The following GRTP1 variants were observed in gnomAD, a reference collection of about 807,000 sequenced individuals.
GRTP1 encodes growth hormone-regulated TBC protein 1.
Under a neutral mutation model 38.1 loss-of-function variants are expected in GRTP1, and 56 were observed. The ratio of observed to expected loss-of-function variants is 1.47; its 90% CI spans 1.19 to 1.84. The LOEUF is 1.84. Ranked by LOEUF, GRTP1 falls within the 40% of genes most tolerant of loss-of-function variation. GRTP1 has a pLI of 0.00. For missense variants in GRTP1, 506 were observed against 453.9 expected (o/e 1.11, Z -1.04); for synonymous variants, 217 against 189.5 (o/e 1.14, Z -1.19).
rs1201611815 is a variant in GRTP1 at position 113,346,145 on chromosome 13, C to T, written c.466-1186G>A. Among the ~76,000 whole-genome samples, 79 of 139,826 alleles carry T rather than the reference C, an allele frequency of 5.6e-4. 3 individuals are homozygous for T. Among genetic ancestry groups the T allele is most frequent in the African/African-American group, 9.5e-4 (34 of 35,874 alleles). The allele number at this position is 139,826 out of a possible 152,430, so 91.7% of individuals were successfully genotyped here. ...GGACCTCTGTGGACAAGAGCAGACC[C>T]GGGAGGACCTCTGTGCCTGACAGTG... On this transcript the variant is annotated intron_variant, in intron 4 of 7. Coordinates refer to ENST00000375431, the MANE Select transcript of GRTP1 (RefSeq NM_024719.4).
intron 5 of GRTP1, among the ~76,000 whole-genome samples, chr13:113,326,373 GC>G (rs2042770345): frequency 3.9e-5 from 3 of 76,252 alleles, no homozygotes; most frequent in East Asian, 7.4e-4. Context: ...GGAGGGTGGC[GC>G]GGTGGGGGGG....
chr13:113,337,198 G>A (rs2042966294), intron 5 of GRTP1, among the ~76,000 whole-genome samples: 1 of 152,200 alleles, frequency 6.6e-6, no homozygotes, highest in Non-Finnish European at 1.5e-5. Flanking sequence ...GGAGGCTGAG[G>A]TGGGAGGATC....
chr13:113,334,694 G>A (rs548682383), intron 5 of GRTP1, among the ~76,000 whole-genome samples: 4 of 152,256 alleles, frequency 2.6e-5, no homozygotes, highest in Admixed American at 1.3e-4. Flanking sequence ...CTCTGGCCTC[G>A]GGTTCACCAG....
rs2043145598 is a variant in GRTP1, at chr13:113,346,703, C to T, written c.466-1744G>A. 1.9e-3 allele frequency among the ~76,000 whole-genome samples: 2 copies of T among 1,064 alleles called. 1 individual carries two copies. Among genetic ancestry groups the T allele is most frequent in the African/African-American group, 0.016 (2 of 126 alleles). The allele number at this position is 1,064 out of a possible 152,430, so 0.7% of individuals were successfully genotyped here. ...CTGGGAGGACCTCTGTGGCAGAGAG[C>T]AGACCCGGGAGGACCTCTGTGGCTG... is the stretch of plus-strand genomic sequence containing the variant. On this transcript the variant is annotated intron_variant, in intron 4 of 7. Transcript: ENST00000375431.
intron 3 of GRTP1, among the ~76,000 whole-genome samples, chr13:113,352,382 A>ATATATTTTATATATATATATATTTATT (rs2043303936): frequency 1.5e-5 from 2 of 135,094 alleles, no homozygotes; most frequent in Non-Finnish European, 3.1e-5. Context: ...ATATATTTAT[A>ATATATTTTATATATATATATATTTATT]TATATATTTA....
At position 113,348,836 on chromosome 13, in the gene GRTP1, C is replaced by T. The variant is rs1595501474; in HGVS notation, c.465+2013G>A. Among the ~76,000 whole-genome samples the T allele has an allele frequency of 1.3e-5, 2 of 152,278 alleles. No homozygotes were observed. Among genetic ancestry groups the T allele is most frequent in the South Asian group, 4.1e-4 (2 of 4,828 alleles). On this transcript the variant is annotated intron_variant, in intron 4 of 7. Transcript: ENST00000375431. The surrounding 1 kb of genome is among the most constrained non-coding windows in gnomAD (Gnocchi z 4.8). ...AGACGCCGCGACCTCACCTGCCCCG[C>T]AGATGCCGCGACCTCTGATGCACAG...
In GRTP1 at chr13:113,345,989, AGAGTGGACCCGAGAGGACCTCTGCGGCT is replaced by A. The variant is rs1317553413; in HGVS notation, c.466-1058_466-1031del. Among the ~76,000 whole-genome samples, 7 of 151,532 alleles carry A rather than the reference AGAGTGGACCCGAGAGGACCTCTGCGGCT, an allele frequency of 4.6e-5. No individual in the cohort carries two copies. In the South Asian group the frequency reaches 1.1e-3, roughly 23 times the overall value. On this transcript the variant is annotated intron_variant, in intron 4 of 7. Coordinates refer to ENST00000375431, the MANE Select transcript of GRTP1 (RefSeq NM_024719.4). The stretch of plus-strand genomic sequence containing the variant: ...AGACCCAGGAGGACTTTTGTGGCCG[AGAGTGGACCCGAGAGGACCTCTGCGGCT>A]GAGCAGACCTGGGAAGACATCTGTG...
intron 2 of GRTP1, among the ~76,000 whole-genome samples, chr13:113,363,332 A>C (rs561195621): frequency 6.6e-6 from 1 of 152,302 alleles, no homozygotes; most frequent in Admixed American, 6.5e-5. Flanking sequence ...CTCAGCCTCC[A>C]GAGTAGCTGG....
rs1049145552 is a variant in GRTP1 at position 113,342,500 on chromosome 13, G to T, written c.562+2363C>A. On this transcript the variant is annotated intron_variant, in intron 5 of 7. Transcript: ENST00000375431. This position sits in a 1 kb window ranked among gnomAD's most constrained non-coding sequence, Gnocchi z 4.5. ...AGCCTGGGCGACAGAGCGAGACTCA[G>T]TCTCAAAAAAAAAAAAGTACTGTAT... 2.0e-5 allele frequency among the ~76,000 whole-genome samples: 3 copies of T among 150,930 alleles called. No homozygotes were observed. The highest frequency in any genetic ancestry group is 2.9e-5 in the Non-Finnish European group (2 of 67,802).
intron 5 of GRTP1, among the ~76,000 whole-genome samples, chr13:113,336,926 G>A (rs563728807): frequency 2.6e-5 from 4 of 152,304 alleles, no homozygotes; most frequent in African/African-American, 9.6e-5. Flanking sequence ...AAGCTACCAG[G>A]AAATAATGTT....
intron 4 of GRTP1, among the ~76,000 whole-genome samples, chr13:113,347,738 A>G (rs5018379): frequency 0.26 from 7,890 of 30,566 alleles, 2 homozygotes; most frequent in East Asian, 0.43. Flanking sequence ...CTCTGTGGCC[A>G]AGAACAGATC....
intron 2 of GRTP1, among the ~76,000 whole-genome samples, chr13:113,363,088 TG>T (rs1054752945): frequency 6.6e-6 from 1 of 152,132 alleles, no homozygotes; most frequent in African/African-American, 2.4e-5. Context: ...CAGGGAAGCC[TG>T]GGGCGCCCCG....
intron 4 of GRTP1, among the ~76,000 whole-genome samples, chr13:113,345,361 A>G (rs927654536): frequency 9.2e-5 from 14 of 152,246 alleles, no homozygotes; most frequent in Admixed American, 6.5e-4. Flanking sequence ...CGTAAGGAAC[A>G]TGTGCTGACA....
intron 4 of GRTP1, among the ~76,000 whole-genome samples, chr13:113,346,170 G>GCA (rs2043117351): frequency 3.7e-4 from 38 of 103,308 alleles, no homozygotes; most frequent in African/African-American, 6.3e-4. Context: ...GCCTGACAGT[G>GCA]GACCCGGGAG....
chr13:113,329,735 G>A (rs928592832), intron 5 of GRTP1, among the ~76,000 whole-genome samples: 5 of 152,188 alleles, frequency 3.3e-5, no homozygotes, highest in African/African-American at 9.7e-5. Flanking sequence ...TAGAAAAGAC[G>A]ACCCAGGCTT....
chr13:113,363,897 C>G lies in GRTP1; in HGVS notation c.46G>C (p.Gly16Arg), dbSNP rs1388521526. 1 of 1,611,400 alleles carries G rather than the reference C, an allele frequency of 6.2e-7. No individual in the cohort carries two copies. The highest frequency in any genetic ancestry group is 1.7e-5 in the Admixed American group (1 of 59,966). Residue 16 changes from glycine (G) to arginine (R), a missense_variant, in exon 2 of 8, where the codon GGA becomes CGA. Transcript: ENST00000375431. The stretch of plus-strand genomic sequence containing the variant: ...TCGAAGTCCTCAGGCCGCTCGAATC[C>G]GTACGGGTCGATCCTGCAAAACCGA... ...RSRVPRIDPY[G>R]FERPEDFDDA...
chr13:113,326,954 G>A (rs1388190952), intron 5 of GRTP1, among the ~76,000 whole-genome samples: 1 of 152,220 alleles, frequency 6.6e-6, no homozygotes, highest in Non-Finnish European at 1.5e-5. Context: ...CGGCGGCAAT[G>A]GTTACACAGA....
chr13:113,326,281 A>G (rs1236240659), intron 5 of GRTP1, among the ~76,000 whole-genome samples, 190 bp from the exon 6 acceptor site: 4 of 151,276 alleles, frequency 2.6e-5, no homozygotes, highest in African/African-American at 9.7e-5. Flanking sequence ...CGACCCCCAC[A>G]GCCAGGCCTT....
intron 3 of GRTP1, chr13:113,351,809 C>T (rs1347738037): frequency 6.6e-6 from 1 of 152,184 alleles, no homozygotes; most frequent in African/African-American, 2.4e-5. Flanking sequence ...TAGAGGTGTT[C>T]GCCAGGCACC....
Sources: allele counts gnomAD v4.1 joint callset (sites outside exome capture counted in the v4.1 genomes callset), GRCh38; gene constraint gnomAD v4.1.1; non-coding constraint Gnocchi (gnomAD v3.1); transcripts MANE v1.5; gene names NCBI Gene and HGNC (gene_info 2026-07-23, HGNC 2026-07-21).